KIRREL3: variants seen among roughly 807,000 people sequenced by gnomAD.
The protein encoded by KIRREL3 is kirre like nephrin family adhesion molecule 3.
In KIRREL3, 36 loss-of-function variants were observed where a neutral mutation model predicts 89.7. The ratio of observed to expected loss-of-function variants is 0.40; its 90% CI spans 0.31 to 0.53. The LOEUF (loss-of-function observed/expected upper bound fraction) is 0.53. Among genes scored for constraint, KIRREL3 ranks in the 20% least tolerant of loss-of-function variants. The probability of loss-of-function intolerance (pLI) is 0.49; values close to 1 mark genes in which losing one functional copy is unlikely to be tolerated. For missense variants in KIRREL3, 864 were observed against 1,056.6 expected (o/e 0.82, Z 2.53); for synonymous variants, 445 against 441.4 (o/e 1.01, Z -0.10).
intron 1 of KIRREL3, among the ~76,000 whole-genome samples, chr11:126,942,785 GC>G (rs1168834855): frequency 3.3e-5 from 5 of 152,206 alleles, no homozygotes; most frequent in African/African-American, 1.2e-4. Context: ...GCTCCCTTGA[GC>G]CCTGGAGCTT....
rs973518301 is a variant in KIRREL3 at position 126,666,860 on chromosome 11, G to A, written c.56-103948C>T. Among the ~76,000 whole-genome samples, 1 of 152,194 alleles carries A rather than the reference G, an allele frequency of 6.6e-6. No homozygotes were observed. Among genetic ancestry groups the A allele is most frequent in the African/African-American group, 2.4e-5 (1 of 41,446 alleles). ...ACAGGTATATTCATTTTGGGTCTGG[G>A]ATGGATACAGGTTTGATGAAAGGTC... On this transcript the variant is annotated intron_variant, in intron 1 of 16. Transcript: ENST00000525144. This position sits in a 1 kb window ranked among gnomAD's most constrained non-coding sequence, Gnocchi z 4.2.
At chr11:126,637,899 A>G (rs558898909) in intron 1 of KIRREL3, among the ~76,000 whole-genome samples, 1 of 152,352 alleles carries the variant, frequency 6.6e-6, no homozygotes, top group Non-Finnish European at 1.5e-5. Flanking sequence ...ACCGATGACC[A>G]TTGTACAGTG....
chr11:126,683,652 G>A lies in KIRREL3; in HGVS notation c.56-120740C>T, dbSNP rs868139471. 3.9e-5 allele frequency among the ~76,000 whole-genome samples: 6 copies of A among 152,326 alleles called. No homozygotes were observed. The highest frequency in any genetic ancestry group is 3.4e-3 in the Middle Eastern group (1 of 294). ...TGGCCAGGGCATTGACGGCAGAATC[G>A]TAAGGATCACAGAGACCTCAGGAAC... On this transcript the variant is annotated intron_variant, in intron 1 of 16. Coordinates refer to ENST00000525144, the MANE Select transcript of KIRREL3 (RefSeq NM_032531.4). The surrounding 1 kb of genome is among the most constrained non-coding windows in gnomAD (Gnocchi z 5.2).
intron 2 of KIRREL3, among the ~76,000 whole-genome samples, chr11:126,552,848 C>A (rs1267735980): frequency 2.0e-5 from 3 of 151,922 alleles, no homozygotes; most frequent in South Asian, 4.2e-4. Context: ...CAGGCGTGAG[C>A]CACCGTGCCA....
chr11:126,491,183 C>T lies in KIRREL3; in HGVS notation c.434-17717G>A, dbSNP rs796860535. On this transcript the variant is annotated intron_variant, in intron 4 of 16. Transcript: ENST00000525144. This position sits in a 1 kb window ranked among gnomAD's most constrained non-coding sequence, Gnocchi z 5.5. Reference sequence around the variant, plus strand: ...CTCTGGCGAGTTGCACCTCCCCGGGCGTCAGCGTCTGCATCTGAAAGTGGG... The same window carrying T: ...CTCTGGCGAGTTGCACCTCCCCGGGTGTCAGCGTCTGCATCTGAAAGTGGG... Among the ~76,000 whole-genome samples the T allele has an allele frequency of 4.3e-4, 66 of 152,306 alleles. No individual in the cohort carries two copies. The highest frequency in any genetic ancestry group is 1.6e-3 in the African/African-American group (65 of 41,580).
intron 1 of KIRREL3, among the ~76,000 whole-genome samples, chr11:126,824,026 C>T (rs1943321293): frequency 6.6e-6 from 1 of 152,158 alleles, no homozygotes; most frequent in African/African-American, 2.4e-5. Flanking sequence ...AGCTGAAACA[C>T]CCCACAAGCC....
At position 126,562,836 on chromosome 11, in the gene KIRREL3, T is replaced by G. The variant is rs1479062612; in HGVS notation, c.132A>C (p.Glu44Asp). The stretch of plus-strand genomic sequence containing the variant: ...GACAATGGGGAGGTTCTCACTGACC[T>G]TCATTCATTCTCCGAAACTTGTCCT... ...MAKDKFRRMN[E>D]GQVYSFSQQP... The change falls in exon 2 of 17, where the codon GAA becomes GAC. Residue 44 changes from glutamate (E) to aspartate (D), a missense_variant and splice_region_variant. Physicochemically the swap from Glu to Asp is conservative, Grantham distance 45. Coordinates refer to ENST00000525144, the MANE Select transcript of KIRREL3 (RefSeq NM_032531.4). This position sits in a 1 kb window ranked among gnomAD's most constrained non-coding sequence, Gnocchi z 4.7. 6.2e-7 allele frequency: 1 copy of G among 1,613,384 alleles called. No individual in the cohort carries two copies. Among genetic ancestry groups the G allele is most frequent in the South Asian group, 1.1e-5 (1 of 91,048 alleles).
chr11:126,963,687 C>T (rs747940202), intron 1 of KIRREL3, among the ~76,000 whole-genome samples: 1 of 152,174 alleles, frequency 6.6e-6, no homozygotes, highest in South Asian at 2.1e-4. Flanking sequence ...TCTCCTTATA[C>T]CCCAAAAGGC....
intron 4 of KIRREL3, among the ~76,000 whole-genome samples, chr11:126,502,800 T>C (rs375845069): frequency 8.5e-5 from 13 of 152,220 alleles, no homozygotes; most frequent in Admixed American, 3.3e-4. Context: ...TTGCATTTCA[T>C]TGGTGTAGAA....
rs1336042011 is a variant in KIRREL3 at position 126,526,155 on chromosome 11, T to G, written c.283+383A>C. On this transcript the variant is annotated intron_variant, in intron 3 of 16. Coordinates refer to ENST00000525144, the MANE Select transcript of KIRREL3 (RefSeq NM_032531.4). This position sits in a 1 kb window ranked among gnomAD's most constrained non-coding sequence, Gnocchi z 5.7. ...AGCCTGGAAGAACCAGGTTGTGACT[T>G]GTATTTCCTTAATAATTGTGCCTTA... is the stretch of plus-strand genomic sequence containing the variant. Among the ~76,000 whole-genome samples, 1 of 152,246 alleles carries G rather than the reference T, an allele frequency of 6.6e-6. No individual in the cohort carries two copies. Among genetic ancestry groups the G allele is most frequent in the Non-Finnish European group, 1.5e-5 (1 of 68,046 alleles).
At position 126,908,831 on chromosome 11, in the gene KIRREL3, G is replaced by A. The variant is rs867464318; in HGVS notation, c.55+91624C>T. ...CATCCCTCGTTATTCAAGGAGGATT[G>A]GTTCCTGGATCCTCTTGGGTATCAC... On this transcript the variant is annotated intron_variant, in intron 1 of 16. Coordinates refer to ENST00000525144, the MANE Select transcript of KIRREL3 (RefSeq NM_032531.4). This position sits in a 1 kb window ranked among gnomAD's most constrained non-coding sequence, Gnocchi z 4.2. 6.6e-6 allele frequency among the ~76,000 whole-genome samples: 1 copy of A among 152,126 alleles called. No individual in the cohort carries two copies.
rs996156574 is a variant in KIRREL3, at chr11:126,684,289, G to A, written c.56-121377C>T. On this transcript the variant is annotated intron_variant, in intron 1 of 16. Coordinates refer to ENST00000525144, the MANE Select transcript of KIRREL3 (RefSeq NM_032531.4). The surrounding 1 kb of genome is among the most constrained non-coding windows in gnomAD (Gnocchi z 4.2). ...GACCCATTTCTGCCCTTCTGAAAGC[G>A]GGAGTTAGACTAGATTGGGGCTTTC... Among the ~76,000 whole-genome samples the A allele has an allele frequency of 5.3e-5, 8 of 152,222 alleles. No homozygotes were observed. The highest frequency in any genetic ancestry group is 1.4e-4 in the African/African-American group (6 of 41,452).
At chr11:126,735,602 G>A (rs1398292846) in intron 1 of KIRREL3, among the ~76,000 whole-genome samples, 6 of 152,186 alleles carry the variant, frequency 3.9e-5, no homozygotes, top group African/African-American at 1.4e-4. Flanking sequence ...TGGCTTTGGA[G>A]GTAACAGGCA....
At position 126,791,964 on chromosome 11, in the gene KIRREL3, G is replaced by A. The variant is rs1592134906; in HGVS notation, c.55+208491C>T. Among the ~76,000 whole-genome samples, 1 of 152,022 alleles carries A rather than the reference G, an allele frequency of 6.6e-6. No individual in the cohort carries two copies. The highest frequency in any genetic ancestry group is 2.4e-5 in the African/African-American group (1 of 41,280). ...AAAACAGGTGAAATTCATTGGTGGT[G>A]TGGTTCTCCTCTTCTCTGTATGCCA... On this transcript the variant is annotated intron_variant, in intron 1 of 16. Transcript: ENST00000525144. This position sits in a 1 kb window ranked among gnomAD's most constrained non-coding sequence, Gnocchi z 4.8.
intron 2 of KIRREL3, among the ~76,000 whole-genome samples, chr11:126,554,897 G>A (rs1939584047): frequency 1.3e-5 from 2 of 152,196 alleles, no homozygotes; most frequent in Non-Finnish European, 2.9e-5. Context: ...ACAAGTGGCT[G>A]AGTGGTGAGC....
At chr11:126,777,485 C>A (rs1950201643) in intron 1 of KIRREL3, among the ~76,000 whole-genome samples, 1 of 151,654 alleles carries the variant, frequency 6.6e-6, no homozygotes, top group South Asian at 2.1e-4. Context: ...TCAAAAAAAA[C>A]CCCAAAGCAT....
intron 1 of KIRREL3, among the ~76,000 whole-genome samples, chr11:126,832,017 C>T (rs556954370): frequency 6.6e-6 from 1 of 152,286 alleles, no homozygotes; most frequent in South Asian, 2.1e-4. Flanking sequence ...ATTTAATTGG[C>T]TTTATACTAC....
intron 1 of KIRREL3, among the ~76,000 whole-genome samples, chr11:126,648,860 G>A (rs1028330662): frequency 2.0e-5 from 3 of 152,148 alleles, no homozygotes; most frequent in Non-Finnish European, 4.4e-5. Flanking sequence ...TGAATGAGTG[G>A]CTAAAATCAC....
intron 1 of KIRREL3, among the ~76,000 whole-genome samples, chr11:126,967,629 G>A (rs993237850): frequency 6.6e-6 from 1 of 151,788 alleles, no homozygotes; most frequent in Non-Finnish European, 1.5e-5. Context: ...GGCCAGGATC[G>A]TGTCCTCAGA....
Sources: gnomAD v4.1 joint callset for allele counts (sites outside exome capture counted in the v4.1 genomes callset) on GRCh38, gnomAD v4.1.1 for gene constraint, Gnocchi (gnomAD v3.1) non-coding constraint, MANE v1.5 for transcripts, NCBI Gene and HGNC (gene_info 2026-07-23, HGNC 2026-07-21) for gene names.